CDC42BPB: variants seen among roughly 807,000 people sequenced by gnomAD.
CDC42BPB encodes the protein serine/threonine-protein kinase MRCK beta.
In CDC42BPB, 37 loss-of-function variants were observed where a neutral mutation model predicts 214.9. The ratio of observed to expected loss-of-function variants is 0.17; its 90% confidence interval spans 0.13 to 0.23. CDC42BPB has a LOEUF of 0.23. CDC42BPB is among the 10% of genes least tolerant of loss of function. CDC42BPB has a pLI of 1.00. For synonymous variants in CDC42BPB, 931 were observed against 884.0 expected (o/e 1.05, Z -0.94); for missense variants, 1,694 against 2,227.0 (o/e 0.76, Z 4.82).
At chr14:103,042,412 G>A (rs992719360) in intron 1 of CDC42BPB, among the ~76,000 whole-genome samples, 1 of 151,944 alleles carries the variant, frequency 6.6e-6, no homozygotes, top group African/African-American at 2.4e-5. Context: ...CCGGGTTCAC[G>A]CCGTTCTCCT....
At chr14:102,942,033 T>C (rs955538192) in intron 30 of CDC42BPB, among the ~76,000 whole-genome samples, 1 of 152,226 alleles carries the variant, frequency 6.6e-6, no homozygotes, top group African/African-American at 2.4e-5. Context: ...ATAAATACAT[T>C]GCACTAAGTG....
chr14:102,960,497 CTG>C (rs1205387042), intron 20 of CDC42BPB, among the ~76,000 whole-genome samples: 1 of 152,150 alleles, frequency 6.6e-6, no homozygotes, highest in Non-Finnish European at 1.5e-5. Context: ...TGGCATGTGC[CTG>C]TGGTCCTAGC....
At position 102,989,653 on chromosome 14, in the gene CDC42BPB, G is replaced by A. The variant is rs554720589; in HGVS notation, c.597-3073C>T. Among the ~76,000 whole-genome samples the A allele has an allele frequency of 1.4e-3, 213 of 152,220 alleles. 1 individual carries two copies. Among genetic ancestry groups the A allele is most frequent in the African/African-American group, 4.9e-3 (202 of 41,544 alleles). The stretch of plus-strand genomic sequence containing the variant: ...TTTGGGAGGCTGAGGTGGAAGGATC[G>A]CCTGAGGTTGGGAGTTTGAGACCAG... On this transcript the variant is annotated intron_variant, in intron 5 of 36. Transcript: ENST00000361246.
intron 1 of CDC42BPB, among the ~76,000 whole-genome samples, chr14:103,036,621 T>C (rs1463256135): frequency 6.6e-6 from 1 of 151,994 alleles, no homozygotes; most frequent in South Asian, 2.1e-4. Flanking sequence ...ATAAAAAAAA[T>C]GAATACGATA....
chr14:102,936,606 C>T (rs1449455438), intron 36 of CDC42BPB, among the ~76,000 whole-genome samples: 5 of 144,378 alleles, frequency 3.5e-5, no homozygotes, highest in Non-Finnish European at 7.7e-5. Flanking sequence ...GAGGGAGGGA[C>T]GGGGAGAGAG....
Position 103,022,804 on chromosome 14 carries a change from A to G in CDC42BPB, c.176-10616T>C, listed in dbSNP as rs149303172. Among the ~76,000 whole-genome samples the G allele has an allele frequency of 7.0e-4, 107 of 152,294 alleles. 1 individual carries two copies. The East Asian group carries it at 0.012, about 17-fold the overall frequency. On this transcript the variant is annotated intron_variant, in intron 1 of 36. Coordinates refer to ENST00000361246, the MANE Select transcript of CDC42BPB (RefSeq NM_006035.4). ...CTTCAATAAGCAATTGTGAGAACAC[A>G]GCCAATTCCTTGAAACGAACATTAT...
intron 20 of CDC42BPB, among the ~76,000 whole-genome samples, chr14:102,961,304 A>G (rs1892946781): frequency 6.6e-6 from 1 of 151,958 alleles, no homozygotes; most frequent in African/African-American, 2.4e-5. Flanking sequence ...AAGACTGAAA[A>G]CTTGACACAC....
chr14:102,944,507 A>T lies in CDC42BPB; in HGVS notation c.3812-20T>A, dbSNP rs762444100. 2 of 1,598,078 alleles carry T rather than the reference A, an allele frequency of 1.3e-6. No homozygotes were observed. Among genetic ancestry groups the T allele is most frequent in the Non-Finnish European group, 1.7e-6 (2 of 1,170,110 alleles). On this transcript the variant is annotated intron_variant, in intron 29 of 36. Coordinates refer to ENST00000361246, the MANE Select transcript of CDC42BPB (RefSeq NM_006035.4). This position sits in a 1 kb window ranked among gnomAD's most constrained non-coding sequence, Gnocchi z 6.6. The stretch of plus-strand genomic sequence containing the variant: ...CGATCACTGTGGCAAGGAGGACAAG[A>T]GCGTGAGGCCGACGGGACAGCCAGC...
intron 1 of CDC42BPB, among the ~76,000 whole-genome samples, chr14:103,036,770 C>G (rs1887687762): frequency 6.6e-6 from 1 of 152,148 alleles, no homozygotes; most frequent in South Asian, 2.1e-4. Flanking sequence ...CTGATACATG[C>G]AATAACCATA....
At chr14:103,017,852 G>A (rs1473260202) in intron 1 of CDC42BPB, among the ~76,000 whole-genome samples, 2 of 152,222 alleles carry the variant, frequency 1.3e-5, no homozygotes, top group Non-Finnish European at 2.9e-5. Flanking sequence ...CTGAAGGTTA[G>A]ATACAGCAAT....
At chr14:103,053,315 T>G (rs562810777) in intron 1 of CDC42BPB, among the ~76,000 whole-genome samples, 6 of 149,884 alleles carry the variant, frequency 4.0e-5, no homozygotes, top group African/African-American at 1.5e-4. Flanking sequence ...CCACTGCACT[T>G]CAGCCTGGGC....
chr14:102,938,523 G>A (rs1891743584), intron 34 of CDC42BPB, 112 bp from the exon 35 acceptor site: 2 of 1,445,898 alleles, frequency 1.4e-6, no homozygotes, highest in Non-Finnish European at 1.8e-6. Context: ...TGAGCAAAAT[G>A]GGGGCCAAGA....
At chr14:103,012,014 GTA>G in intron 2 of CDC42BPB, 81 bp downstream of exon 2, 1 of 858,520 alleles carries the variant, frequency 1.2e-6, no homozygotes, top group South Asian at 1.3e-5. Context: ...CCAAACCAAT[GTA>G]TAGGTGCACA....
At chr14:102,954,334 GC>G (rs1892622660) in intron 22 of CDC42BPB, 59 bp from the exon 23 acceptor site, 1 of 1,435,400 alleles carries the variant, frequency 7.0e-7, no homozygotes. Flanking sequence ...GAGACACCTG[GC>G]CCTACGGGGT....
At chr14:102,957,918 C>T (rs1246411672) in intron 21 of CDC42BPB, among the ~76,000 whole-genome samples, 1 of 152,234 alleles carries the variant, frequency 6.6e-6, no homozygotes, top group Non-Finnish European at 1.5e-5. Flanking sequence ...CACAGCTCCT[C>T]CTGAGGAGAG....
chr14:102,961,701 G>A (rs987231306), intron 20 of CDC42BPB, among the ~76,000 whole-genome samples: 1 of 151,978 alleles, frequency 6.6e-6, no homozygotes, highest in East Asian at 1.9e-4. Context: ...GCACCACCAC[G>A]CCCAGCTAAT....
At chr14:102,936,839 A>ATG (rs1277840785) in intron 36 of CDC42BPB, 1 of 152,156 alleles carries the variant, frequency 6.6e-6, no homozygotes, top group Non-Finnish European at 1.5e-5. Flanking sequence ...ATCTCTGTGG[A>ATG]TGTACCAAAT....
At chr14:102,981,518 C>A (rs193196609) in intron 7 of CDC42BPB, among the ~76,000 whole-genome samples, 2 of 152,342 alleles carry the variant, frequency 1.3e-5, no homozygotes, top group African/African-American at 4.8e-5. Flanking sequence ...CAGTGACTCA[C>A]GCCTGTAATC....
rs376345596 is a variant in CDC42BPB, at chr14:103,029,357, C to G, written c.176-17169G>C. 2.7e-5 allele frequency among the ~76,000 whole-genome samples: 4 copies of G among 150,842 alleles called. No homozygotes were observed. The East Asian group carries it at 5.9e-4, about 22-fold the overall frequency. On this transcript the variant is annotated intron_variant, in intron 1 of 36. Coordinates refer to ENST00000361246, the MANE Select transcript of CDC42BPB (RefSeq NM_006035.4). The stretch of plus-strand genomic sequence containing the variant: ...GAGATCGAAACCATCCTGGCTAACA[C>G]GGTGAAACCCTGTCTCTACTAAAAA...
Sources: gnomAD v4.1 joint callset for allele counts (sites outside exome capture counted in the v4.1 genomes callset) on GRCh38, gnomAD v4.1.1 for gene constraint, Gnocchi (gnomAD v3.1) non-coding constraint, MANE v1.5 for transcripts, NCBI Gene and HGNC (gene_info 2026-07-23, HGNC 2026-07-21) for gene names.